PPM1B: variants seen among roughly 807,000 people sequenced by gnomAD.
PPM1B encodes protein phosphatase 1B.
In PPM1B, 22 loss-of-function variants were observed where a neutral mutation model predicts 43.0. The observed-to-expected ratio is 0.51, with a 90% CI of 0.37 to 0.73. The LOEUF (loss-of-function observed/expected upper bound fraction) is 0.73. Among genes scored for constraint, PPM1B ranks in the 30% least tolerant of loss-of-function variants. The pLI is 0.00. For synonymous variants in PPM1B, 217 were observed against 197.9 expected (o/e 1.10, Z -0.81); for missense variants, 632 against 584.2 (o/e 1.08, Z -0.84).
chr2:44,210,215 AT>A (rs11322876), intron 3 of PPM1B, among the ~76,000 whole-genome samples: 33,697 of 136,140 alleles, frequency 0.25, 4,052 homozygotes, highest in African/African-American at 0.38. Context: ...TTGGCAATAA[AT>A]TTTTTTTTTT....
chr2:44,238,281 T>C (rs929245458), downstream of PPM1B, among the ~76,000 whole-genome samples: 6 of 152,220 alleles, frequency 3.9e-5, no homozygotes, highest in African/African-American at 1.2e-4. Context: ...CATGAGATTT[T>C]GCCTATGAAT....
intron 1 of PPM1B, among the ~76,000 whole-genome samples, chr2:44,187,042 C>T (rs1008484720): frequency 6.6e-6 from 1 of 152,194 alleles, no homozygotes; most frequent in Non-Finnish European, 1.5e-5. Flanking sequence ...ACTTTTTCAT[C>T]TTGCAAAACT....
At chr2:44,236,402 CAAAAAAAAAA>C (rs61414038), downstream of PPM1B, among the ~76,000 whole-genome samples, 140 of 47,536 alleles carry the variant, frequency 2.9e-3, 4 homozygotes, top group South Asian at 8.7e-3. Flanking sequence ...GACTCCGTCT[CAAAAAAAAAA>C]AAAAAAAAAA....
intron 1 of PPM1B, among the ~76,000 whole-genome samples, chr2:44,197,574 A>C (rs1423814422): frequency 6.6e-6 from 1 of 152,232 alleles, no homozygotes; most frequent in Non-Finnish European, 1.5e-5. Flanking sequence ...GGGATATGAC[A>C]TTGAGTTGCC....
chr2:44,199,580 A>G (rs960591598), intron 1 of PPM1B, among the ~76,000 whole-genome samples: 1 of 152,222 alleles, frequency 6.6e-6, no homozygotes, highest in African/African-American at 2.4e-5. Context: ...AATAGCCTAT[A>G]CAAGCAAGCA....
At chr2:44,215,461 GA>G (rs879579340) in intron 3 of PPM1B, among the ~76,000 whole-genome samples, 33 of 142,208 alleles carry the variant, frequency 2.3e-4, no homozygotes, top group South Asian at 8.8e-4. Flanking sequence ...ATGTCTTTAA[GA>G]AAAAAAAAAA....
At chr2:44,171,459 G>T (rs1049263882) in intron 1 of PPM1B, among the ~76,000 whole-genome samples, 2 of 152,120 alleles carry the variant, frequency 1.3e-5, no homozygotes, top group African/African-American at 4.8e-5. Flanking sequence ...AAAATATGAT[G>T]CTGATTATGT....
At chr2:44,227,994 T>C (rs1670297650) in intron 5 of PPM1B, among the ~76,000 whole-genome samples, 1 of 143,368 alleles carries the variant, frequency 7.0e-6, no homozygotes. Context: ...CGATCTCGGG[T>C]CACTGCAACC....
At chr2:44,197,020 A>T (rs564106206) in intron 1 of PPM1B, among the ~76,000 whole-genome samples, 1 of 152,214 alleles carries the variant, frequency 6.6e-6, no homozygotes, top group Non-Finnish European at 1.5e-5. Flanking sequence ...CATTTTTTAA[A>T]TAAACTTTTA....
At chr2:44,189,198 C>T (rs1668286044) in intron 1 of PPM1B, among the ~76,000 whole-genome samples, 1 of 152,022 alleles carries the variant, frequency 6.6e-6, no homozygotes, top group South Asian at 2.1e-4. Context: ...TCACATGCCT[C>T]ATTATCCTTA....
intron 3 of PPM1B, among the ~76,000 whole-genome samples, chr2:44,215,589 A>C (rs984445362): frequency 1.3e-5 from 2 of 152,170 alleles, no homozygotes; most frequent in Non-Finnish European, 2.9e-5. Context: ...GTACTTGGTA[A>C]ATCTGTGTGT....
chr2:44,216,449 C>T (rs77985657), intron 3 of PPM1B, among the ~76,000 whole-genome samples: 4,408 of 152,314 alleles, frequency 0.029, 91 homozygotes, highest in Non-Finnish European at 0.045. Context: ...AGAAAACTTA[C>T]AGTCCTGCTT....
chr2:44,225,816 C>T (rs1268533794), intron 5 of PPM1B, among the ~76,000 whole-genome samples: 3 of 151,980 alleles, frequency 2.0e-5, no homozygotes, highest in African/African-American at 7.3e-5. Context: ...ACCACCACGC[C>T]TGGCTAATTT....
At chr2:44,199,211 T>TTGTGCC (rs1248695351) in intron 1 of PPM1B, among the ~76,000 whole-genome samples, 2 of 143,470 alleles carry the variant, frequency 1.4e-5, no homozygotes, top group African/African-American at 5.3e-5. Flanking sequence ...TGAGCCGAGA[T>TTGTGCC]TGTGCCGTTG....
chr2:44,208,424 G>T (rs1669295801), intron 2 of PPM1B, among the ~76,000 whole-genome samples: 1 of 152,012 alleles, frequency 6.6e-6, no homozygotes, highest in South Asian at 2.1e-4. Flanking sequence ...TGTATTAATA[G>T]TTGTGGGGCT....
chr2:44,169,575 GCTT>G (rs1667221126), intron 1 of PPM1B, among the ~76,000 whole-genome samples: 1 of 152,220 alleles, frequency 6.6e-6, no homozygotes, highest in Non-Finnish European at 1.5e-5. Flanking sequence ...TCTTCCCTCC[GCTT>G]CAGTCTGCAA....
intron 1 of PPM1B, among the ~76,000 whole-genome samples, chr2:44,179,576 A>G (rs765912216): frequency 2.5e-4 from 38 of 152,284 alleles, no homozygotes; most frequent in Middle Eastern, 6.8e-3. Flanking sequence ...CCTAATGACA[A>G]AATCTTACAG....
rs141619165 is a variant in PPM1B at position 44,200,800 on chromosome 2, C to T, written c.-14-386C>T. 4.0e-3 allele frequency among the ~76,000 whole-genome samples: 611 copies of T among 152,278 alleles called. 3 individuals are homozygous for T. The highest frequency in any genetic ancestry group is 0.014 in the African/African-American group (577 of 41,544). ...TCCAGTCTTCTGTAAACTTACATGT[C>T]GAACCCTAGACTCACCTTGTAAATT... On this transcript the variant is annotated intron_variant, in intron 1 of 5. Transcript: ENST00000282412.
chr2:44,242,753 A>G (rs1327158511), intron 5 of PPM1B, among the ~76,000 whole-genome samples: 1 of 149,728 alleles, frequency 6.7e-6, no homozygotes, highest in African/African-American at 2.5e-5. Context: ...GCCTGCTCAC[A>G]CATGTTAATT....
Sources: gnomAD v4.1 joint callset for allele counts (sites outside exome capture counted in the v4.1 genomes callset) on GRCh38, gnomAD v4.1.1 for gene constraint, MANE v1.5 for transcripts, NCBI Gene and HGNC (gene_info 2026-07-23, HGNC 2026-07-21) for gene names.